Variants in EIF2AK2 observed in about 807,000 individuals in gnomAD.
The protein encoded by EIF2AK2 is eukaryotic translation initiation factor 2 alpha kinase 2.
EIF2AK2 carries 40 observed loss-of-function variants against 70.5 expected under a neutral mutation model. That is an observed-to-expected ratio of 0.57 (90% CI 0.44 to 0.74). EIF2AK2 has a LOEUF of 0.74. EIF2AK2 is among the 30% of genes least tolerant of loss of function. EIF2AK2 has a pLI of 0.00. For missense variants in EIF2AK2, 555 were observed against 644.3 expected (o/e 0.86, Z 1.50); for synonymous variants, 198 against 220.9 (o/e 0.90, Z 0.92).
At chr2:37,155,752 C>G (rs1341257351) in intron 1 of EIF2AK2, among the ~76,000 whole-genome samples, 3 of 152,216 alleles carry the variant, frequency 2.0e-5, no homozygotes, top group South Asian at 2.1e-4. Context: ...TACAGCCTGG[C>G]CAACACGGTG....
intron 10 of EIF2AK2, among the ~76,000 whole-genome samples, chr2:37,129,092 G>A (rs1048494292): frequency 6.6e-6 from 1 of 151,772 alleles, no homozygotes; most frequent in African/African-American, 2.4e-5. Context: ...ATTAGAGGAG[G>A]GCCCCCAGAC....
intron 5 of EIF2AK2, 42 bp from the exon 6 acceptor site, chr2:37,139,799 T>C: frequency 3.2e-6 from 5 of 1,573,108 alleles, no homozygotes; most frequent in Non-Finnish European, 4.3e-6. Flanking sequence ...ACATGAAAAA[T>C]ATAGCAAATC....
intron 10 of EIF2AK2, among the ~76,000 whole-genome samples, chr2:37,133,470 C>A (rs1163233667): frequency 1.3e-5 from 2 of 152,152 alleles, no homozygotes; most frequent in African/African-American, 2.4e-5. Context: ...CCCAGCCCTA[C>A]CCCCAATTCC....
Position 37,104,154 on chromosome 2 carries a change from A to G in EIF2AK2, c.*3119T>C, listed in dbSNP as rs1476333573. On this transcript the variant is annotated 3_prime_UTR_variant, in exon 17 of 17. Transcript: ENST00000233057. The stretch of plus-strand genomic sequence containing the variant: ...GACTCTGTCTCAAAACAAACAAACA[A>G]ACAAAAACAAAATAAAACAAAACAA... 1 of 151,818 alleles carries G rather than the reference A, an allele frequency of 6.6e-6. No individual in the cohort carries two copies. Among genetic ancestry groups the G allele is most frequent in the African/African-American group, 2.4e-5 (1 of 41,364 alleles). 9.4% of individuals were successfully genotyped at this position (151,818 alleles called of 1,614,324 possible).
intron 10 of EIF2AK2, among the ~76,000 whole-genome samples, chr2:37,132,780 C>G (rs1228104299): frequency 6.6e-6 from 1 of 152,162 alleles, no homozygotes; most frequent in African/African-American, 2.4e-5. Flanking sequence ...CACTGGACTC[C>G]CTTCTTTTCC....
rs1674860039 is a variant in EIF2AK2 at position 37,129,334 on chromosome 2, C to T, written c.786-2923G>A. 2.6e-5 allele frequency among the ~76,000 whole-genome samples: 4 copies of T among 152,278 alleles called. No homozygotes were observed. The South Asian group carries it at 8.3e-4, about 32-fold the overall frequency. ...GACACTGGGAAAAGGCTTGTCCTAT[C>T]CCCTGGCCTCCCACCAAACCATGCC... On this transcript the variant is annotated intron_variant, in intron 10 of 16. Transcript: ENST00000233057.
At chr2:37,121,574 A>G (rs1410214792) in intron 12 of EIF2AK2, among the ~76,000 whole-genome samples, 1 of 151,654 alleles carries the variant, frequency 6.6e-6, no homozygotes, top group Non-Finnish European at 1.5e-5. Context: ...GTACTCTAAG[A>G]GAAGTGCCAA....
At chr2:37,116,126 T>G (rs1573003255) in intron 13 of EIF2AK2, among the ~76,000 whole-genome samples, 1 of 152,312 alleles carries the variant, frequency 6.6e-6, no homozygotes, top group East Asian at 1.9e-4. Context: ...CTCAAACTCC[T>G]GACCTCAAGC....
At chr2:37,116,865 G>A (rs1382196738) in intron 13 of EIF2AK2, among the ~76,000 whole-genome samples, 1 of 152,158 alleles carries the variant, frequency 6.6e-6, no homozygotes, top group East Asian at 1.9e-4. Flanking sequence ...AAATATCTAA[G>A]CTGGATGAGG....
chr2:37,147,888 G>A, intron 2 of EIF2AK2, 66 bp from the exon 3 acceptor site: 2 of 1,161,144 alleles, frequency 1.7e-6, no homozygotes, highest in Non-Finnish European at 2.5e-6. Flanking sequence ...GTTTCCCAAT[G>A]CAGTTTAGGA....
chr2:37,143,771 C>A (rs1675425947), intron 4 of EIF2AK2, among the ~76,000 whole-genome samples: 1 of 151,882 alleles, frequency 6.6e-6, no homozygotes, highest in Admixed American at 6.6e-5. Flanking sequence ...GTAGTCCCAG[C>A]CAGTTGGGAT....
At chr2:37,148,621 A>G (rs541756241) in intron 2 of EIF2AK2, 2 of 847,122 alleles carry the variant, frequency 2.4e-6, no homozygotes, top group East Asian at 5.0e-5. Context: ...AGATGTTGCA[A>G]GAATTGTCAT....
chr2:37,130,804 C>T (rs769659247), intron 10 of EIF2AK2, among the ~76,000 whole-genome samples: 2 of 152,194 alleles, frequency 1.3e-5, no homozygotes. Context: ...CAGTGTTTTG[C>T]TTCAATATGT....
At chr2:37,124,437 T>C (rs541360548) in intron 11 of EIF2AK2, among the ~76,000 whole-genome samples, 1 of 152,140 alleles carries the variant, frequency 6.6e-6, no homozygotes, top group Non-Finnish European at 1.5e-5. Context: ...AATTTTTGTA[T>C]TTTTAGTAGA....
Position 37,107,353 on chromosome 2 carries a change from G to A in EIF2AK2, c.1576C>T (p.Arg526Ter), listed in dbSNP as rs1339847711. Residue 526 changes from arginine to a stop codon, truncating the protein, a stop_gained, in exon 17 of 17, where the codon CGA (arginine) becomes TGA (stop). Coordinates refer to ENST00000233057, the MANE Select transcript of EIF2AK2 (RefSeq NM_001135651.3). LOFTEE classifies it low-confidence loss of function (END_TRUNC). ...QKLLSKKPED[R>*]PNTSEILRTL... ...CTTAGTATTTCAGATGTGTTAGGTC[G>A]ATCCTCAGGTTTCTTTGAGAGTAAT... 5 of 1,613,762 alleles carry A rather than the reference G, an allele frequency of 3.1e-6. No homozygotes were observed. Among genetic ancestry groups the A allele is most frequent in the East Asian group, 2.2e-5 (1 of 44,854 alleles).
At chr2:37,151,892 T>C (rs1021652197) in intron 1 of EIF2AK2, among the ~76,000 whole-genome samples, 3 of 152,160 alleles carry the variant, frequency 2.0e-5, no homozygotes, top group Non-Finnish European at 4.4e-5. Context: ...CGGTGAAACC[T>C]CGTCTCCACT....
At chr2:37,124,131 C>G (rs1479878176) in intron 11 of EIF2AK2, among the ~76,000 whole-genome samples, 1 of 151,874 alleles carries the variant, frequency 6.6e-6, no homozygotes, top group East Asian at 1.9e-4. Context: ...CCACACTTGG[C>G]TAGTTTTTAT....
At chr2:37,136,948 A>G (rs1170751353) in intron 9 of EIF2AK2, 35 bp downstream of exon 9, 2 of 1,575,708 alleles carry the variant, frequency 1.3e-6, no homozygotes, top group Non-Finnish European at 1.7e-6. Flanking sequence ...ATAAAACTTC[A>G]GATCAAAATA....
chr2:37,143,526 T>C (rs2148707508), intron 4 of EIF2AK2, among the ~76,000 whole-genome samples: 1 of 152,312 alleles, frequency 6.6e-6, no homozygotes, highest in South Asian at 2.1e-4. Context: ...AAAATGATGG[T>C]TGCATCTGTA....
Sources: gnomAD v4.1 joint callset for allele counts (sites outside exome capture counted in the v4.1 genomes callset) on GRCh38, gnomAD v4.1.1 for gene constraint, MANE v1.5 for transcripts, NCBI Gene and HGNC (gene_info 2026-07-23, HGNC 2026-07-21) for gene names.